The following KIF15 variants were observed in gnomAD, a reference collection of about 807,000 sequenced individuals.
The protein encoded by KIF15 is kinesin-like protein KIF15.
A neutral mutation model predicts 190.6 loss-of-function variants in KIF15; 140 were observed. The ratio of observed to expected loss-of-function variants is 0.73; its 90% CI spans 0.64 to 0.84. The LOEUF (loss-of-function observed/expected upper bound fraction) is 0.84. Ranked by LOEUF, KIF15 falls within the 40% of genes least tolerant of loss-of-function variation. KIF15 has a pLI of 0.00. For missense variants in KIF15, 1,372 were observed against 1,584.4 expected, an observed-to-expected ratio of 0.87 and a Z score of 2.28; for synonymous variants, 528 against 551.3, an observed-to-expected ratio of 0.96 and a Z score of 0.59.
At chr3:44,768,316 G>T (rs556205156) in intron 1 of KIF15, among the ~76,000 whole-genome samples, 1 of 151,974 alleles carries the variant, frequency 6.6e-6, no homozygotes, top group East Asian at 1.9e-4. Context: ...ACTGATGCAA[G>T]ATTTTTTGCT....
At chr3:44,840,141 A>T (rs891569315) in intron 27 of KIF15, among the ~76,000 whole-genome samples, 2 of 152,144 alleles carry the variant, frequency 1.3e-5, no homozygotes, top group Non-Finnish European at 2.9e-5. Flanking sequence ...TACATTCCCA[A>T]CAGTATACAA....
intron 34 of KIF15, 66 bp from the exon 35 acceptor site, chr3:44,852,607 A>C: frequency 1.6e-6 from 2 of 1,281,016 alleles, no homozygotes; most frequent in Non-Finnish European, 1.1e-6. Flanking sequence ...AAATGCAAAA[A>C]AAAACCACTT....
intron 6 of KIF15, among the ~76,000 whole-genome samples, chr3:44,860,380 T>A (rs555207316): frequency 6.9e-6 from 1 of 145,304 alleles, no homozygotes; most frequent in Non-Finnish European, 1.5e-5. Flanking sequence ...ATTATCCGTG[T>A]TTTTTTTTGA....
chr3:44,811,045 TA>T lies in KIF15; in HGVS notation c.2169+4del. The T allele has an allele frequency of 6.3e-7, 1 of 1,579,220 alleles. No homozygotes were observed. The highest frequency in any genetic ancestry group is 1.4e-5 in the African/African-American group (1 of 72,872). On this transcript the variant is annotated splice_donor_region_variant and intron_variant, in intron 17 of 34. Transcript: ENST00000326047. Reference sequence around the variant, plus strand: ...TCTGAAGAGCTTAGAACAGTGCAGGTAATGTTTTGTTCTAGAAAAAATAAAT... The same window carrying T: ...TCTGAAGAGCTTAGAACAGTGCAGGTATGTTTTGTTCTAGAAAAAATAAAT...
intron 26 of KIF15, among the ~76,000 whole-genome samples, chr3:44,835,160 A>T (rs978610154): frequency 1.3e-5 from 2 of 152,192 alleles, no homozygotes; most frequent in Admixed American, 1.3e-4. Flanking sequence ...CAATAAAAGG[A>T]TCTAAAGGGA....
At chr3:44,773,994 T>C (rs745665674) in intron 1 of KIF15, among the ~76,000 whole-genome samples, 2 of 152,220 alleles carry the variant, frequency 1.3e-5, no homozygotes, top group Non-Finnish European at 2.9e-5. Context: ...CTTCTCTCCC[T>C]GCATAAGGCA....
rs72875774 is a variant in KIF15, at chr3:44,853,116, C to G, written c.*381C>G. 1,785 of 155,832 alleles carry G rather than the reference C, an allele frequency of 0.011. 32 individuals carry two copies. Among genetic ancestry groups the G allele is most frequent in the African/African-American group, 0.039 (1,633 of 41,690 alleles). The allele number at this position is 155,832 out of a possible 1,614,324, so 9.7% of individuals were successfully genotyped here. A position where few individuals can be genotyped will look rare whatever the true frequency, so the allele number is the denominator to read the frequency against. On this transcript the variant is annotated 3_prime_UTR_variant, in exon 35 of 35. Transcript: ENST00000326047. ...CTAACAATATATGGTGGTTCCAACACCTGCAGTGAGTTTAATGACTGACTT... is the reference window on the plus strand; with the variant it reads ...CTAACAATATATGGTGGTTCCAACAGCTGCAGTGAGTTTAATGACTGACTT...
In KIF15 at chr3:44,762,032, C is replaced by T. The variant is rs538474820; in HGVS notation, c.19+148C>T. ...GGCGGGGACGTTTGGGAATCCCGCT[C>T]TGTCGCTCAAAGACAATACGCTAGC... On this transcript the variant is annotated intron_variant, in intron 1 of 34. Transcript: ENST00000326047. 9 of 981,076 alleles carry T rather than the reference C, an allele frequency of 9.2e-6. No homozygotes were observed. The South Asian group carries it at 1.1e-4, about 12-fold the overall frequency. 60.8% of individuals were successfully genotyped at this position (981,076 alleles called of 1,614,324 possible). A position where few individuals can be genotyped will look rare whatever the true frequency, so the allele number is the denominator to read the frequency against.
chr3:44,819,121 G>T (rs1708152080), intron 20 of KIF15, among the ~76,000 whole-genome samples: 2 of 151,710 alleles, frequency 1.3e-5, no homozygotes, highest in African/African-American at 4.9e-5. Context: ...GCATCTATTT[G>T]ATTCTTCTCT....
intron 6 of KIF15, 91 bp from the exon 7 acceptor site, chr3:44,786,304 A>T: frequency 2.0e-6 from 2 of 1,025,318 alleles, no homozygotes; most frequent in South Asian, 1.9e-5. Flanking sequence ...GGAAATTTAC[A>T]TCTTGTGAAG....
intron 14 of KIF15, among the ~76,000 whole-genome samples, chr3:44,803,833 A>G (rs1707379187): frequency 6.6e-6 from 1 of 152,154 alleles, no homozygotes; most frequent in South Asian, 2.1e-4. Context: ...AAGATATTAG[A>G]TGCAAAATTA....
intron 26 of KIF15, 98 bp from the exon 27 acceptor site, chr3:44,838,177 A>G: frequency 7.7e-7 from 1 of 1,300,252 alleles, no homozygotes; most frequent in Non-Finnish European, 1.1e-6. Context: ...TTTTTACATA[A>G]AACTTCCTTA....
chr3:44,800,140 G>A (rs1454254767), intron 10 of KIF15, among the ~76,000 whole-genome samples, 174 bp from the exon 11 acceptor site: 1 of 152,126 alleles, frequency 6.6e-6, no homozygotes, highest in Non-Finnish European at 1.5e-5. Flanking sequence ...CACAAGAAAA[G>A]GAAGCTTCCT....
chr3:44,829,029 C>T (rs1468194207), intron 24 of KIF15, among the ~76,000 whole-genome samples: 1 of 150,384 alleles, frequency 6.6e-6, no homozygotes, highest in Non-Finnish European at 1.5e-5. Context: ...AAGAGCGAAA[C>T]TCTGTCTCAA....
chr3:44,765,847 C>A (rs1331479161), intron 1 of KIF15: 3 of 153,310 alleles, frequency 2.0e-5, no homozygotes, highest in Non-Finnish European at 4.3e-5. Flanking sequence ...CACCCCCTCT[C>A]CCCCAGACGG....
At position 44,803,158 on chromosome 3, in the gene KIF15, T is replaced by C. The variant is rs146068548; in HGVS notation, c.1687+167T>C. On this transcript the variant is annotated intron_variant, in intron 14 of 34. Transcript: ENST00000326047. Reference sequence around the variant, plus strand: ...TAGAAAGGTATTTACTAAACTTTTCTTTTTCTCAAAAATCACAGAGCATAA... The same window carrying C: ...TAGAAAGGTATTTACTAAACTTTTCCTTTTCTCAAAAATCACAGAGCATAA... 6.0e-3 allele frequency among the ~76,000 whole-genome samples: 914 copies of C among 152,342 alleles called. 6 individuals are homozygous for C. Among genetic ancestry groups the C allele is most frequent in the Admixed American group, 0.01 (155 of 15,302 alleles).
At position 44,797,918 on chromosome 3, in the gene KIF15, C is replaced by T. The variant is rs776138887; in HGVS notation, c.1060C>T (p.Leu354Phe). Residue 354 changes from leucine (L) to phenylalanine (F), a missense_variant, in exon 10 of 35, where the codon CTT (leucine) becomes TTT (phenylalanine). Transcript: ENST00000326047. ...GTGTTTTGGGGAAACCCTATCAACA[C>T]TTAACTTTGCTCAAAGAGCCAAGCT... ...SRCFGETLST[L>F]NFAQRAKLIK... The T allele has an allele frequency of 6.2e-7, 1 of 1,613,734 alleles. No individual in the cohort carries two copies.
rs561507722 is a variant in KIF15 at position 44,823,349 on chromosome 3, A to T, written c.2550-2690A>T. Among the ~76,000 whole-genome samples the T allele has an allele frequency of 3.9e-4, 59 of 152,328 alleles. 1 individual carries two copies. Among genetic ancestry groups the T allele is most frequent in the Non-Finnish European group, 7.5e-4 (51 of 68,032 alleles). On this transcript the variant is annotated intron_variant, in intron 20 of 34. Transcript: ENST00000326047. ...GTATCACCAGCGGAGGCTGCAGAACAGCAAATATTGCTGCCTGATCCTTCC... is the reference window on the plus strand; with the variant it reads ...GTATCACCAGCGGAGGCTGCAGAACTGCAAATATTGCTGCCTGATCCTTCC...
downstream of KIF15, among the ~76,000 whole-genome samples, chr3:44,853,845 A>G (rs1699149194): frequency 6.6e-6 from 1 of 152,244 alleles, no homozygotes; most frequent in South Asian, 2.1e-4. Flanking sequence ...ACATGCTACA[A>G]CATGATGAAT....
Sources: allele counts gnomAD v4.1 joint callset (sites outside exome capture counted in the v4.1 genomes callset), GRCh38; gene constraint gnomAD v4.1.1; transcripts MANE v1.5; gene names NCBI Gene and HGNC (gene_info 2026-07-23, HGNC 2026-07-21).